The following KDM4C variants were observed in gnomAD, a reference collection of about 807,000 sequenced individuals.
KDM4C encodes the protein lysine demethylase 4C.
Under a neutral mutation model 129.3 loss-of-function variants are expected in KDM4C, and 81 were observed. The observed-to-expected ratio is 0.63, with a 90% CI of 0.52 to 0.75. The LOEUF (loss-of-function observed/expected upper bound fraction) is 0.75, where lower values mean the gene tolerates loss of function less well. KDM4C is among the 30% of genes least tolerant of loss of function. KDM4C has a pLI of 0.00. For missense variants in KDM4C, 1,457 were observed against 1,304.0 expected, an observed-to-expected ratio of 1.12 and a Z score of -1.81; for synonymous variants, 573 against 456.1, an observed-to-expected ratio of 1.26 and a Z score of -3.26.
rs1563850249 is a variant in KDM4C at position 6,940,034 on chromosome 9, T to TTCCTTCCTTCCTTCCTTCC, written c.922-40890_922-40889insCCTTCCTTCCTTCCTTCCT. ...CCTTCCTTCCTTCCTTCCTTCCTTC[T>TTCCTTCCTTCCTTCCTTCC]TTCCTTCCTTCCCTCCTTCCCTCCT... On this transcript the variant is annotated intron_variant, in intron 8 of 21. Coordinates refer to ENST00000381309, the MANE Select transcript of KDM4C (RefSeq NM_015061.6). 1.1e-4 allele frequency among the ~76,000 whole-genome samples: 8 copies of TTCCTTCCTTCCTTCCTTCC among 71,030 alleles called. 1 individual carries two copies. In the East Asian group the frequency reaches 3.4e-3, roughly 30 times the overall value. 46.6% of individuals were successfully genotyped at this position (71,030 alleles called of 152,430 possible).
intron 11 of KDM4C, among the ~76,000 whole-genome samples, chr9:6,987,063 G>A (rs1817850928): frequency 6.6e-6 from 1 of 152,168 alleles, no homozygotes; most frequent in Admixed American, 6.5e-5. Flanking sequence ...TATCGACATT[G>A]ATACAGTAAA....
At chr9:6,918,238 G>A (rs1173067876) in intron 8 of KDM4C, among the ~76,000 whole-genome samples, 1 of 152,142 alleles carries the variant, frequency 6.6e-6, no homozygotes, top group African/African-American at 2.4e-5. Context: ...TGTATCCAAT[G>A]TTTAGCTTCT....
At chr9:6,943,334 G>A (rs1310201686) in intron 8 of KDM4C, among the ~76,000 whole-genome samples, 1 of 152,150 alleles carries the variant, frequency 6.6e-6, no homozygotes, top group African/African-American at 2.4e-5. Context: ...AGATTTGTAA[G>A]TCTTTTGAAG....
chr9:6,859,125 C>G (rs999991374), intron 5 of KDM4C, among the ~76,000 whole-genome samples: 4 of 152,048 alleles, frequency 2.6e-5, no homozygotes, highest in Non-Finnish European at 4.4e-5. Context: ...TTGGTGACTC[C>G]ATTTCATTTA....
At chr9:7,066,223 A>G (rs559586875) in intron 17 of KDM4C, among the ~76,000 whole-genome samples, 2 of 152,296 alleles carry the variant, frequency 1.3e-5, no homozygotes, top group East Asian at 3.9e-4. Context: ...GGTGGCTTGC[A>G]TTCAATGACA....
At chr9:7,085,087 T>C (rs1834957993) in intron 17 of KDM4C, among the ~76,000 whole-genome samples, 1 of 152,168 alleles carries the variant, frequency 6.6e-6, no homozygotes, top group South Asian at 2.1e-4. Flanking sequence ...GAAGGGTGTA[T>C]TCGAGGACCC....
chr9:6,757,252 T>C (rs974971855), upstream of KDM4C, among the ~76,000 whole-genome samples: 1 of 151,230 alleles, frequency 6.6e-6, no homozygotes, highest in African/African-American at 2.4e-5. Context: ...CAAACTGTTA[T>C]CAACTCTAGT....
At chr9:6,745,792 T>C (rs766383090) in intron 1 of KDM4C, among the ~76,000 whole-genome samples, 5 of 149,492 alleles carry the variant, frequency 3.3e-5, no homozygotes, top group Non-Finnish European at 7.4e-5. Flanking sequence ...CATGCCACCA[T>C]GCCTGGCTCC....
intron 5 of KDM4C, among the ~76,000 whole-genome samples, chr9:6,864,874 T>C (rs1214467443): frequency 6.6e-6 from 1 of 152,008 alleles, no homozygotes; most frequent in African/African-American, 2.4e-5. Context: ...GCTTACTGTT[T>C]CTTTCCTCTG....
chr9:6,725,550 C>G (rs866694994), intron 1 of KDM4C, among the ~76,000 whole-genome samples: 3 of 152,040 alleles, frequency 2.0e-5, no homozygotes, highest in Admixed American at 1.3e-4. Flanking sequence ...TGCAATGGCA[C>G]GATCTTGGCT....
At chr9:7,108,620 G>A (rs1297103031) in intron 18 of KDM4C, among the ~76,000 whole-genome samples, 1 of 152,126 alleles carries the variant, frequency 6.6e-6, no homozygotes, top group African/African-American at 2.4e-5. Flanking sequence ...CATGAGGCAT[G>A]GGCTTAGGAC....
intron 17 of KDM4C, among the ~76,000 whole-genome samples, chr9:7,079,537 G>T (rs1339333652): frequency 6.6e-6 from 1 of 152,170 alleles, no homozygotes; most frequent in Non-Finnish European, 1.5e-5. Context: ...GGCCAGGCTG[G>T]TCTTGAACTC....
At chr9:7,119,226 T>C (rs1267923342) in intron 18 of KDM4C, among the ~76,000 whole-genome samples, 1 of 152,176 alleles carries the variant, frequency 6.6e-6, no homozygotes, top group Non-Finnish European at 1.5e-5. Context: ...CAAGCACCAT[T>C]ATATAAATAG....
intron 15 of KDM4C, among the ~76,000 whole-genome samples, chr9:7,034,418 C>G (rs1433202852): frequency 6.6e-6 from 1 of 152,192 alleles, no homozygotes; most frequent in Admixed American, 6.5e-5. Context: ...ATGGGATCAA[C>G]TTGTTTCAGC....
At chr9:6,999,882 A>G (rs1319881506) in intron 12 of KDM4C, among the ~76,000 whole-genome samples, 1 of 152,182 alleles carries the variant, frequency 6.6e-6, no homozygotes, top group Non-Finnish European at 1.5e-5. Context: ...AAATGTTATT[A>G]ATTTTTACAT....
chr9:6,778,355 C>T lies in KDM4C; in HGVS notation c.-17-14617C>T, dbSNP rs534937159. ...TCCTCCCGCTTGGGCCTCCCAAAGT[C>T]CTGGGATTATGGGCATGAGCCACCC... On this transcript the variant is annotated intron_variant, in intron 1 of 21. Transcript: ENST00000381309. Among the ~76,000 whole-genome samples, 6 of 151,284 alleles carry T rather than the reference C, an allele frequency of 4.0e-5. No individual in the cohort carries two copies. In the South Asian group the frequency reaches 8.4e-4, roughly 21 times the overall value.
intron 8 of KDM4C, among the ~76,000 whole-genome samples, chr9:6,945,931 T>G (rs755653742): frequency 5.3e-5 from 8 of 152,144 alleles, no homozygotes; most frequent in Non-Finnish European, 8.8e-5. Context: ...TGATATTTTA[T>G]TTGGTCCAGA....
intron 17 of KDM4C, among the ~76,000 whole-genome samples, chr9:7,061,260 A>G (rs918140379): frequency 6.6e-6 from 1 of 152,218 alleles, no homozygotes; most frequent in East Asian, 1.9e-4. Flanking sequence ...ATTTATTCAT[A>G]GTTGAGCCAT....
chr9:6,863,621 C>G (rs1431350338), intron 5 of KDM4C, among the ~76,000 whole-genome samples: 1 of 151,826 alleles, frequency 6.6e-6, no homozygotes, highest in African/African-American at 2.4e-5. Flanking sequence ...ACGGTGAAAC[C>G]TTGTCTCTAC....
Sources: allele counts gnomAD v4.1 joint callset (sites outside exome capture counted in the v4.1 genomes callset), GRCh38; gene constraint gnomAD v4.1.1; transcripts MANE v1.5; gene names NCBI Gene and HGNC (gene_info 2026-07-23, HGNC 2026-07-21).